LRIG1: variants seen among roughly 807,000 people sequenced by gnomAD.
LRIG1 encodes the protein leucine-rich repeats and immunoglobulin-like domains protein 1.
LRIG1 carries 48 observed loss-of-function variants against 99.2 expected under a neutral mutation model. The observed-to-expected ratio is 0.48, with a 90% CI of 0.38 to 0.62. LRIG1 has a LOEUF of 0.62. Among genes scored for constraint, LRIG1 ranks in the 20% least tolerant of loss-of-function variants. LRIG1 has a pLI of 0.00. For missense variants in LRIG1, 1,646 were observed against 1,434.4 expected, an observed-to-expected ratio of 1.15 and a Z score of -2.38; for synonymous variants, 772 against 596.1, an observed-to-expected ratio of 1.29 and a Z score of -4.30.
At position 66,379,585 on chromosome 3, in the gene LRIG1, C is replaced by CA. The variant is rs1700910021; in HGVS notation, c.*677_*678insT. The CA allele has an allele frequency of 2.0e-5, 3 of 151,418 alleles. No individual in the cohort carries two copies. Among genetic ancestry groups the CA allele is most frequent in the African/African-American group, 7.3e-5 (3 of 41,320 alleles). The allele number at this position is 151,418 out of a possible 1,614,324, so 9.4% of individuals were successfully genotyped here. ...CAACCCTCATTCTACGCCTTACAGA[C>CA]GGACAGATTCTACGCCTTACAGACA... On this transcript the variant is annotated 3_prime_UTR_variant, in exon 19 of 19. Coordinates refer to ENST00000273261, the MANE Select transcript of LRIG1 (RefSeq NM_015541.3).
chr3:66,463,735 A>T (rs1464061554), intron 1 of LRIG1, among the ~76,000 whole-genome samples: 1 of 152,200 alleles, frequency 6.6e-6, no homozygotes, highest in Non-Finnish European at 1.5e-5. Context: ...ACTAATTTTG[A>T]GTTTAAAGTC....
At chr3:66,497,946 G>A (rs1363146585) in intron 1 of LRIG1, among the ~76,000 whole-genome samples, 6 of 152,006 alleles carry the variant, frequency 3.9e-5, no homozygotes, top group Non-Finnish European at 7.4e-5. Context: ...ATCTTAGCCA[G>A]GAATACAAAC....
At chr3:66,456,589 A>G (rs2106822242) in intron 2 of LRIG1, among the ~76,000 whole-genome samples, 1 of 151,908 alleles carries the variant, frequency 6.6e-6, no homozygotes, top group South Asian at 2.1e-4. Flanking sequence ...AAAAAAAAAA[A>G]AAAGTGATAG....
At chr3:66,436,223 G>A (rs914041666) in intron 3 of LRIG1, among the ~76,000 whole-genome samples, 13 of 152,140 alleles carry the variant, frequency 8.5e-5, no homozygotes, top group Non-Finnish European at 1.3e-4. Flanking sequence ...CGTGCCAGAC[G>A]TGCATGCCCA....
At chr3:66,465,983 T>C (rs992081620) in intron 1 of LRIG1, among the ~76,000 whole-genome samples, 1 of 152,200 alleles carries the variant, frequency 6.6e-6, no homozygotes, top group African/African-American at 2.4e-5. Context: ...AGTGGCTTAA[T>C]TCACTTAACA....
intron 1 of LRIG1, among the ~76,000 whole-genome samples, chr3:66,490,263 T>C (rs1239362721): frequency 1.3e-5 from 2 of 152,216 alleles, no homozygotes; most frequent in Non-Finnish European, 2.9e-5. Flanking sequence ...GCATGTCAGC[T>C]TGTTTTCTGG....
At chr3:66,491,028 C>A (rs1559826327) in intron 1 of LRIG1, among the ~76,000 whole-genome samples, 1 of 152,228 alleles carries the variant, frequency 6.6e-6, no homozygotes. Context: ...AACCATGCAG[C>A]AGCTACTTGG....
At position 66,500,139 on chromosome 3, in the gene LRIG1, C is replaced by A. The variant is rs1421651446; in HGVS notation, c.218+51G>T. 4.2e-6 allele frequency: 6 copies of A among 1,435,176 alleles called. No homozygotes were observed. In the African/African-American group the frequency reaches 7.3e-5, roughly 17 times the overall value. The allele number at this position is 1,435,176 out of a possible 1,614,324, so 88.9% of individuals were successfully genotyped here. ...AGTACGAACCCCCGCCGCTCCATCC[C>A]CAAGTGACAGAGCCCCGGGGCGCAG... On this transcript the variant is annotated intron_variant, in intron 1 of 18. Transcript: ENST00000273261.
intron 13 of LRIG1, 26 bp from the exon 14 acceptor site, chr3:66,384,298 G>T: frequency 1.3e-6 from 2 of 1,594,476 alleles, no homozygotes; most frequent in South Asian, 2.3e-5. Context: ...ATACAGGGTC[G>T]GGTTACGGGA....
intron 5 of LRIG1, among the ~76,000 whole-genome samples, chr3:66,413,840 G>C (rs1702541586): frequency 6.6e-6 from 1 of 152,158 alleles, no homozygotes; most frequent in African/African-American, 2.4e-5. Flanking sequence ...ACCCAGGTAG[G>C]ATGAGAGCCA....
chr3:66,497,110 A>T (rs1045976977), intron 1 of LRIG1, among the ~76,000 whole-genome samples: 5 of 152,230 alleles, frequency 3.3e-5, no homozygotes, highest in African/African-American at 1.2e-4. Context: ...ACTTTTGTGA[A>T]TATCCTTGCT....
At chr3:66,383,946 G>GCACACACACA (rs751049385) in intron 14 of LRIG1, 45 bp downstream of exon 14, 22 of 842,424 alleles carry the variant, frequency 2.6e-5, no homozygotes, top group Non-Finnish European at 3.5e-5. Context: ...TCTCTCTCTC[G>GCACACACACA]CTCACACACA....
At chr3:66,467,506 C>T (rs1401213400) in intron 1 of LRIG1, among the ~76,000 whole-genome samples, 1 of 152,088 alleles carries the variant, frequency 6.6e-6, no homozygotes, top group East Asian at 1.9e-4. Flanking sequence ...ACTACAGTCA[C>T]CTGCCACCAC....
rs781028444 is a variant in LRIG1, at chr3:66,472,635, C to T, written c.219-10126G>A. Among the ~76,000 whole-genome samples the T allele has an allele frequency of 3.9e-5, 6 of 152,202 alleles. No homozygotes were observed. In the East Asian group the frequency reaches 1.2e-3, roughly 29 times the overall value. On this transcript the variant is annotated intron_variant, in intron 1 of 18. Transcript: ENST00000273261. ...TCATGAGAGCAGGGTGGCCAAATTC[C>T]AAGCCTGCCTTTCCGGCAGAAGGTA...
In LRIG1 at chr3:66,380,226, T is replaced by G; in HGVS notation, c.*37A>C. The G allele has an allele frequency of 1.9e-5, 29 of 1,540,128 alleles. No homozygotes were observed. The highest frequency in any genetic ancestry group is 2.5e-5 in the Non-Finnish European group (28 of 1,126,552). On this transcript the variant is annotated 3_prime_UTR_variant, in exon 19 of 19. Transcript: ENST00000273261. ...CAGCCTCTCCTACCTCTCTTTCCCG[T>G]AGAGATTGGTATGACAAGAACTGAG...
At chr3:66,494,726 C>T (rs1228711504) in intron 1 of LRIG1, among the ~76,000 whole-genome samples, 1 of 152,154 alleles carries the variant, frequency 6.6e-6, no homozygotes, top group Non-Finnish European at 1.5e-5. Context: ...GCATACCCAC[C>T]ACCCCCTACA....
intron 12 of LRIG1, among the ~76,000 whole-genome samples, chr3:66,388,398 C>T (rs201920111): frequency 6.6e-6 from 1 of 151,512 alleles, no homozygotes; most frequent in African/African-American, 2.4e-5. Context: ...CAACAACATA[C>T]AAATCATGGG....
At chr3:66,469,178 A>G (rs1047862658) in intron 1 of LRIG1, 2 of 152,230 alleles carry the variant, frequency 1.3e-5, no homozygotes, top group African/African-American at 4.8e-5. Context: ...CAGTAAGCTA[A>G]GCAGCCACAT....
chr3:66,381,710 C>A, intron 16 of LRIG1, 79 bp from the exon 17 acceptor site: 1 of 1,474,406 alleles, frequency 6.8e-7, no homozygotes, highest in Non-Finnish European at 9.3e-7. Context: ...ATGAGCAAGG[C>A]CGCTAGAACA....
Sources: allele counts gnomAD v4.1 joint callset (sites outside exome capture counted in the v4.1 genomes callset), GRCh38; gene constraint gnomAD v4.1.1; transcripts MANE v1.5; gene names NCBI Gene and HGNC (gene_info 2026-07-23, HGNC 2026-07-21).